The following FNDC11 variants were observed in gnomAD, a reference collection of about 807,000 sequenced individuals.
FNDC11 encodes the protein fibronectin type III domain containing 11.
Under a neutral mutation model 15.8 loss-of-function variants are expected in FNDC11, and 15 were observed. The ratio of observed to expected loss-of-function variants is 0.95; its 90% CI spans 0.63 to 1.46. The LOEUF is 1.46. Ranked by LOEUF, FNDC11 falls within the 40% of genes most tolerant of loss-of-function variation. The pLI, the probability that FNDC11 is intolerant of heterozygous loss-of-function variation, is 0.00. For synonymous variants in FNDC11, 190 were observed against 203.1 expected (o/e 0.94, Z 0.55); for missense variants, 416 against 443.4 (o/e 0.94, Z 0.55).
At chr20:63,554,802 G>A (rs1285857120) in intron 1 of FNDC11, 3 of 152,300 alleles carry the variant, frequency 2.0e-5, no homozygotes, top group Non-Finnish European at 4.4e-5. Context: ...CAAGGCCCAA[G>A]TGGCTGTGAC....
upstream of FNDC11, chr20:63,553,122 G>A (rs962020791): frequency 6.6e-6 from 1 of 152,368 alleles, no homozygotes; most frequent in Non-Finnish European, 1.5e-5. Flanking sequence ...GGCACCTTGG[G>A]GTGTCTAAGA....
chr20:63,555,600 A>C lies in FNDC11; in HGVS notation c.-10-54A>C, dbSNP rs2145995253. 2.6e-6 allele frequency: 4 copies of C among 1,516,314 alleles called. No homozygotes were observed. The South Asian group carries it at 5.1e-5, about 19-fold the overall frequency. The allele number at this position is 1,516,314 out of a possible 1,614,324, so 93.9% of individuals were successfully genotyped here. A position where few individuals can be genotyped will look rare whatever the true frequency, so the allele number is the denominator to read the frequency against. ...GCTGAATCCATCCCCCGAACATGCC[A>C]CAGCCCAGGGGAGGCCAGCCTGCCT... On this transcript the variant is annotated intron_variant, in intron 1 of 1. Coordinates refer to ENST00000370097, the MANE Select transcript of FNDC11 (RefSeq NM_001319152.2).
Position 63,554,159 on chromosome 20 carries a change from G to A in FNDC11, c.-58G>A, listed in dbSNP as rs541825706. On this transcript the variant is annotated 5_prime_UTR_variant, in exon 1 of 2. Transcript: ENST00000370097. ...CAGGGCAACCCGCGGAGTGCGGAGG[G>A]AGGCTGGGCTCTGGGAAGTCCGCGC... 7 of 152,504 alleles carry A rather than the reference G, an allele frequency of 4.6e-5. 1 individual carries two copies. The East Asian group carries it at 1.2e-3, about 25-fold the overall frequency. 9.4% of individuals were successfully genotyped at this position (152,504 alleles called of 1,614,324 possible).
chr20:63,553,556 C>A (rs1434721850), upstream of FNDC11, among the ~76,000 whole-genome samples: 3 of 132,104 alleles, frequency 2.3e-5, no homozygotes, highest in African/African-American at 8.8e-5. Context: ...GTGGGGGGAG[C>A]CCGCGGTGGG....
chr20:63,555,749 A>G lies in FNDC11; in HGVS notation c.86A>G (p.Asp29Gly). 1 of 1,613,246 alleles carries G rather than the reference A, an allele frequency of 6.2e-7. No individual in the cohort carries two copies. Among genetic ancestry groups the G allele is most frequent in the Non-Finnish European group, 8.5e-7 (1 of 1,180,030 alleles). ...TTCCTGGACCAGGAGGAGGCAGATG[A>G]CCAGCAGCTGCTGGAACCAGAGGCG... is the stretch of plus-strand genomic sequence containing the variant. ...QSFLDQEEAD[D>G]QQLLEPEAWK... Residue 29 changes from aspartate to glycine, a missense_variant, in exon 2 of 2, where the codon GAC (aspartate) becomes GGC (glycine). Coordinates refer to ENST00000370097, the MANE Select transcript of FNDC11 (RefSeq NM_001319152.2).
rs1480989106 is a variant in FNDC11 at position 63,556,443 on chromosome 20, C to A, written c.780C>A (p.Val260=). 3 of 1,613,458 alleles carry A rather than the reference C, an allele frequency of 1.9e-6. No homozygotes were observed. Among genetic ancestry groups the A allele is most frequent in the Non-Finnish European group, 2.5e-6 (3 of 1,180,028 alleles). ...RTQQECAQCG[V]IPVAACTFDV... ...AGCAGGAGTGCGCCCAGTGTGGCGT[C>A]ATCCCCGTGGCTGCCTGCACCTTCG... is the stretch of plus-strand genomic sequence containing the variant. Residue 260 remains valine, a synonymous_variant, in exon 2 of 2, where the codon GTC becomes GTA. Transcript: ENST00000370097.
chr20:63,553,112 G>A (rs2082773487), upstream of FNDC11: 1 of 152,288 alleles, frequency 6.6e-6, no homozygotes, highest in African/African-American at 2.4e-5. Flanking sequence ...GTGAAGGAGG[G>A]GCACCTTGGG....
chr20:63,555,223 G>A (rs1600954950), intron 1 of FNDC11: 1 of 173,844 alleles, frequency 5.8e-6, no homozygotes, highest in Non-Finnish European at 1.3e-5. Flanking sequence ...CGTCCCCAGG[G>A]AGAACCGGAG....
At position 63,556,460 on chromosome 20, in the gene FNDC11, G is replaced by A. The variant is rs1293984971; in HGVS notation, c.797G>A (p.Cys266Tyr). The change falls in exon 2 of 2, where the codon TGC (cysteine) becomes TAC (tyrosine). Residue 266 changes from cysteine to tyrosine, a missense_variant. Physicochemically the swap from Cys to Tyr is radical, Grantham distance 194. Transcript: ENST00000370097. ...AQCGVIPVAA[C>Y]TFDVRNLLPN... ...TGTGGCGTCATCCCCGTGGCTGCCT[G>A]CACCTTCGACGTCCGAAACCTGCTG... 2 of 1,613,532 alleles carry A rather than the reference G, an allele frequency of 1.2e-6. No individual in the cohort carries two copies. Among genetic ancestry groups the A allele is most frequent in the South Asian group, 2.2e-5 (2 of 91,082 alleles).
In FNDC11 at chr20:63,555,839, ACCTGCTCAAGCGCCACCACG is replaced by A. The variant is rs751541823; in HGVS notation, c.179_198del (p.Leu60ProfsTer7). The A allele has an allele frequency of 6.2e-6, 10 of 1,613,364 alleles. No individual in the cohort carries two copies. Among genetic ancestry groups the A allele is most frequent in the Non-Finnish European group, 8.5e-6 (10 of 1,179,972 alleles). ...TTCCTGACCTCGGACCTGAGTCCGC[ACCTGCTCAAGCGCCACCACG>A]CCCGCATGCAGCTGCTGCGTAAGTG... is the stretch of plus-strand genomic sequence containing the variant. On this transcript the variant is annotated frameshift_variant, in exon 2 of 2. Transcript: ENST00000370097. LOFTEE classifies it high-confidence loss of function.
chr20:63,555,368 C>G (rs1265437869), intron 1 of FNDC11: 1 of 403,936 alleles, frequency 2.5e-6, no homozygotes, highest in East Asian at 4.0e-5. Flanking sequence ...CCTTGCAAGG[C>G]CACAGGTCAG....
chr20:63,553,687 A>T (rs925603017), upstream of FNDC11: 4 of 154,944 alleles, frequency 2.6e-5, no homozygotes, highest in Admixed American at 1.3e-4. Context: ...AATGGGTGGC[A>T]TCTGTAATGG....
rs1254500800 is a variant in FNDC11, at chr20:63,556,233, T to C, written c.570T>C (p.Ser190=). The C allele has an allele frequency of 1.3e-6, 2 of 1,593,710 alleles. No individual in the cohort carries two copies. Among genetic ancestry groups the C allele is most frequent in the Non-Finnish European group, 1.7e-6 (2 of 1,166,096 alleles). The change falls in exon 2 of 2, where the codon TCT becomes TCC. Residue 190 remains serine (S), a synonymous_variant. Transcript: ENST00000370097. ...GRLHVKHRLV[S]DVSATKIPHI... ...TACACGTCAAGCACCGCCTGGTGTC[T>C]GATGTCAGTGCCACCAAGATCCCGC...
At chr20:63,555,316 G>T in intron 1 of FNDC11, 2 of 300,102 alleles carry the variant, frequency 6.7e-6, no homozygotes, top group Non-Finnish European at 6.3e-6. Context: ...GCCCCGAGGG[G>T]TGCCAGCAAC....
In FNDC11 at chr20:63,556,076, C is replaced by T. The variant is rs867745996; in HGVS notation, c.413C>T (p.Ala138Val). 2 of 1,599,100 alleles carry T rather than the reference C, an allele frequency of 1.3e-6. No individual in the cohort carries two copies. Among genetic ancestry groups the T allele is most frequent in the South Asian group, 2.2e-5 (2 of 91,056 alleles). Reference protein sequence around the residue: ...DLLEQLDHGRAELDALLRSPD... With the variant: ...DLLEQLDHGRVELDALLRSPD... ...TTGGAACAGCTCGACCATGGCCGTG[C>T]TGAGCTGGATGCCCTGCTCCGGTCG... Residue 138 changes from alanine (A) to valine (V), a missense_variant, in exon 2 of 2, where the codon GCT becomes GTT. Coordinates refer to ENST00000370097, the MANE Select transcript of FNDC11 (RefSeq NM_001319152.2).
chr20:63,553,357 AGTGGGAGGAGCCTG>A (rs2082775020), upstream of FNDC11, among the ~76,000 whole-genome samples: 1 of 106,238 alleles, frequency 9.4e-6, no homozygotes, highest in Non-Finnish European at 2.0e-5. Flanking sequence ...AGGAGCCTGT[AGTGGGAGGAGCCTG>A]TAGTGGGAGG....
At chr20:63,553,850 G>A (rs372380574), upstream of FNDC11, 1,653 of 152,216 alleles carry the variant, frequency 0.011, 167 homozygotes, top group South Asian at 0.25. Flanking sequence ...CTGGGGGGTT[G>A]AGCAGGAACT....
At chr20:63,554,866 T>C (rs2082793550) in intron 1 of FNDC11, 1 of 152,284 alleles carries the variant, frequency 6.6e-6, no homozygotes, top group Non-Finnish European at 1.5e-5. Flanking sequence ...GGGGTGCGGC[T>C]TGCTCTCCAG....
In FNDC11 at chr20:63,556,366, G is replaced by C; in HGVS notation, c.703G>C (p.Ala235Pro). ...RLRWFVTIQPATSEQYELRFR... is the reference protein window; with the variant it reads ...RLRWFVTIQPPTSEQYELRFR... ...GCGCTGGTTCGTCACCATCCAGCCA[G>C]CCACATCGGAGCAGTATGAGTTGCG... The change falls in exon 2 of 2, where the codon GCC (alanine) becomes CCC (proline). Residue 235 changes from alanine to proline, a missense_variant. Ala to Pro is a conservative substitution (Grantham distance 27, BLOSUM62 -1). Coordinates refer to ENST00000370097, the MANE Select transcript of FNDC11 (RefSeq NM_001319152.2). 1 of 1,612,454 alleles carries C rather than the reference G, an allele frequency of 6.2e-7. No individual in the cohort carries two copies. The highest frequency in any genetic ancestry group is 1.3e-5 in the African/African-American group (1 of 75,066).
Sources: allele counts gnomAD v4.1 joint callset (sites outside exome capture counted in the v4.1 genomes callset), GRCh38; gene constraint gnomAD v4.1.1; transcripts MANE v1.5; gene names NCBI Gene and HGNC (gene_info 2026-07-23, HGNC 2026-07-21).